ANKRD33B: variants seen among roughly 807,000 people sequenced by gnomAD.
ANKRD33B encodes ankyrin repeat domain-containing protein 33B.
Under a neutral mutation model 21.5 loss-of-function variants are expected in ANKRD33B, and 6 were observed. The ratio of observed to expected loss-of-function variants is 0.28; its 90% confidence interval spans 0.15 to 0.55. ANKRD33B has a LOEUF of 0.55. ANKRD33B is among the 20% of genes least tolerant of loss of function. The pLI is 0.94. For synonymous variants in ANKRD33B, 347 were observed against 342.4 expected, an observed-to-expected ratio of 1.01 and a Z score of -0.15; for missense variants, 698 against 747.2, an observed-to-expected ratio of 0.93 and a Z score of 0.77.
chr5:10,607,645 C>G (rs1235464505), intron 1 of ANKRD33B, among the ~76,000 whole-genome samples: 1 of 152,248 alleles, frequency 6.6e-6, no homozygotes, highest in Non-Finnish European at 1.5e-5. Flanking sequence ...AGCTTCTTCA[C>G]AGACCGTCGC....
Position 10,564,354 on chromosome 5 carries a change from G to C in ANKRD33B, c.-114G>C, listed in dbSNP as rs1423871747. ...CGGTTTCCGCCGAGCTGGAGCGCGC[G>C]GGCCACGGCTTCTCTGGGGACGCAG... On this transcript the variant is annotated 5_prime_UTR_variant, in exon 1 of 4. Coordinates refer to ENST00000296657, the MANE Select transcript of ANKRD33B (RefSeq NM_001164440.2). 2.7e-6 allele frequency: 2 copies of C among 743,886 alleles called. No individual in the cohort carries two copies. Among genetic ancestry groups the C allele is most frequent in the Non-Finnish European group, 3.3e-6 (2 of 605,338 alleles). 46.1% of individuals were successfully genotyped at this position (743,886 alleles called of 1,614,324 possible).
chr5:10,654,478 G>A lies in ANKRD33B; in HGVS notation c.*4365G>A. 1 of 152,382 alleles carries A rather than the reference G, an allele frequency of 6.6e-6. No individual in the cohort carries two copies. The highest frequency in any genetic ancestry group is 1.9e-4 in the East Asian group (1 of 5,346). 9.4% of individuals were successfully genotyped at this position (152,382 alleles called of 1,614,324 possible). On this transcript the variant is annotated 3_prime_UTR_variant, in exon 4 of 4. Transcript: ENST00000296657. Reference sequence around the variant, plus strand: ...ACTTTTTAGTGTTTGAGTAAATTATGCTTTAACTGGACAGAAGAAATATTT... The same window carrying A: ...ACTTTTTAGTGTTTGAGTAAATTATACTTTAACTGGACAGAAGAAATATTT...
chr5:10,613,704 T>A (rs1306368803), intron 1 of ANKRD33B, among the ~76,000 whole-genome samples: 1 of 151,846 alleles, frequency 6.6e-6, no homozygotes, highest in Non-Finnish European at 1.5e-5. Flanking sequence ...ATTGAAAACA[T>A]CCTGGCCAAT....
At chr5:10,628,587 C>T (rs550260777) in intron 2 of ANKRD33B, among the ~76,000 whole-genome samples, 19 of 152,324 alleles carry the variant, frequency 1.2e-4, no homozygotes, top group South Asian at 1.2e-3. Flanking sequence ...TCCCTGGCCT[C>T]TTCGGGCCTT....
At chr5:10,604,412 C>T (rs558459223) in intron 1 of ANKRD33B, among the ~76,000 whole-genome samples, 6 of 150,164 alleles carry the variant, frequency 4.0e-5, no homozygotes, top group East Asian at 2.0e-4. Context: ...AGGCTGGTCT[C>T]GATCCCCTGA....
rs1579711736 is a variant in ANKRD33B at position 10,576,900 on chromosome 5, G to A, written c.366+12067G>A. Among the ~76,000 whole-genome samples the A allele has an allele frequency of 6.6e-6, 1 of 152,224 alleles. No individual in the cohort carries two copies. The highest frequency in any genetic ancestry group is 2.1e-4 in the South Asian group (1 of 4,828). On this transcript the variant is annotated intron_variant, in intron 1 of 3. Coordinates refer to ENST00000296657, the MANE Select transcript of ANKRD33B (RefSeq NM_001164440.2). The surrounding 1 kb of genome is among the most constrained non-coding windows in gnomAD (Gnocchi z 4.1). ...GGTGCTGGGGCTTCTGGTGCATCCTGTGGGCACCTCGGATGACGCGAGGGT... is the reference window on the plus strand; with the variant it reads ...GGTGCTGGGGCTTCTGGTGCATCCTATGGGCACCTCGGATGACGCGAGGGT...
chr5:10,578,341 C>T (rs1361885920), intron 1 of ANKRD33B, among the ~76,000 whole-genome samples: 2 of 152,180 alleles, frequency 1.3e-5, no homozygotes, highest in Non-Finnish European at 2.9e-5. Context: ...CTGAAGGACC[C>T]ACCAACAGCA....
intron 1 of ANKRD33B, among the ~76,000 whole-genome samples, chr5:10,583,594 G>T (rs760397966): frequency 8.5e-5 from 13 of 152,164 alleles, no homozygotes. Flanking sequence ...AAGGGAGTAA[G>T]ATTGTTGGAG....
intron 1 of ANKRD33B, among the ~76,000 whole-genome samples, chr5:10,602,133 C>T (rs571093612): frequency 7.9e-5 from 12 of 152,352 alleles, no homozygotes; most frequent in African/African-American, 2.2e-4. Context: ...CCTGTGTCCC[C>T]GAAGGGGTGA....
intron 3 of ANKRD33B, among the ~76,000 whole-genome samples, chr5:10,645,732 G>T (rs1737174728): frequency 6.6e-6 from 1 of 152,186 alleles, no homozygotes; most frequent in African/African-American, 2.4e-5. Flanking sequence ...CACCAACCAT[G>T]CTGGTCCCTT....
chr5:10,585,713 T>C (rs1233557847), intron 1 of ANKRD33B, among the ~76,000 whole-genome samples: 1 of 152,112 alleles, frequency 6.6e-6, no homozygotes, highest in East Asian at 1.9e-4. Context: ...GGCCCAGGTG[T>C]TTGATGGGTT....
chr5:10,589,733 G>T (rs984253036), intron 1 of ANKRD33B, among the ~76,000 whole-genome samples: 1 of 151,866 alleles, frequency 6.6e-6, no homozygotes, highest in Non-Finnish European at 1.5e-5. Flanking sequence ...TTTCTAATTT[G>T]TCATTTAAAA....
chr5:10,649,996 C>G lies in ANKRD33B; in HGVS notation c.1368C>G (p.Pro456=). 1 of 1,533,610 alleles carries G rather than the reference C, an allele frequency of 6.5e-7. No individual in the cohort carries two copies. The highest frequency in any genetic ancestry group is 8.7e-7 in the Non-Finnish European group (1 of 1,144,890). ...AGGACAGCGGCCACCTGCAGATCCC[C>G]AAGTGGCGGTACAAGGAGGCCAAGG... ...STKDSGHLQI[P]KWRYKEAKEE... The change falls in exon 4 of 4, where the codon CCC becomes CCG. Residue 456 remains proline, a synonymous_variant. Transcript: ENST00000296657.
chr5:10,575,947 C>T (rs894862803), intron 1 of ANKRD33B, among the ~76,000 whole-genome samples: 2 of 151,470 alleles, frequency 1.3e-5, no homozygotes, highest in East Asian at 1.9e-4. Context: ...CAGGAAGCTA[C>T]GTGGGGGTTA....
intron 1 of ANKRD33B, among the ~76,000 whole-genome samples, chr5:10,575,641 C>G (rs1735304618): frequency 6.6e-6 from 1 of 152,160 alleles, no homozygotes; most frequent in Non-Finnish European, 1.5e-5. Flanking sequence ...GCTGCACATT[C>G]AAGCACTTCT....
intron 2 of ANKRD33B, among the ~76,000 whole-genome samples, chr5:10,620,449 C>T (rs1736396182): frequency 6.6e-6 from 1 of 152,140 alleles, no homozygotes; most frequent in Admixed American, 6.5e-5. Context: ...AATCTGGTCC[C>T]TGCTAGAAAT....
intron 1 of ANKRD33B, among the ~76,000 whole-genome samples, chr5:10,592,551 G>A (rs1735719632): frequency 2.0e-5 from 3 of 151,392 alleles, no homozygotes; most frequent in Non-Finnish European, 4.4e-5. Flanking sequence ...GAACCCGGGA[G>A]GTGGAGGTTG....
chr5:10,652,887 T>C lies in ANKRD33B; in HGVS notation c.*2774T>C, dbSNP rs546613061. ...TGAAAAGCCTGCTGAGCCAACAAGCTTGGGGCAGGACACGGATTTCTTTGG... is the reference window on the plus strand; with the variant it reads ...TGAAAAGCCTGCTGAGCCAACAAGCCTGGGGCAGGACACGGATTTCTTTGG... On this transcript the variant is annotated 3_prime_UTR_variant, in exon 4 of 4. Transcript: ENST00000296657. The surrounding 1 kb of genome is among the most constrained non-coding windows in gnomAD (Gnocchi z 4.1). 2 of 239,464 alleles carry C rather than the reference T, an allele frequency of 8.4e-6. No homozygotes were observed. Among genetic ancestry groups the C allele is most frequent in the South Asian group, 8.7e-5 (2 of 22,894 alleles). The allele number at this position is 239,464 out of a possible 1,614,324, so 14.8% of individuals were successfully genotyped here.
At chr5:10,636,448 CAAA>C (rs962667924) in intron 2 of ANKRD33B, among the ~76,000 whole-genome samples, 1 of 125,374 alleles carries the variant, frequency 8.0e-6, no homozygotes, top group Admixed American at 7.9e-5. Flanking sequence ...CCCATCTCTA[CAAA>C]AAAAAATTTT....
Sources: allele counts gnomAD v4.1 joint callset (sites outside exome capture counted in the v4.1 genomes callset), GRCh38; gene constraint gnomAD v4.1.1; non-coding constraint Gnocchi (gnomAD v3.1); transcripts MANE v1.5; gene names NCBI Gene and HGNC (gene_info 2026-07-23, HGNC 2026-07-21).